The following RAB11FIP4 variants were observed in gnomAD, a reference collection of about 807,000 sequenced individuals.
The protein encoded by RAB11FIP4 is rab11 family-interacting protein 4.
Under a neutral mutation model 74.3 loss-of-function variants are expected in RAB11FIP4, and 23 were observed. The ratio of observed to expected loss-of-function variants is 0.31; its 90% CI spans 0.22 to 0.44. The LOEUF is 0.44. Ranked by LOEUF, RAB11FIP4 falls within the 20% of genes least tolerant of loss-of-function variation. RAB11FIP4 has a pLI of 1.00. For missense variants in RAB11FIP4, 630 were observed against 863.9 expected, an observed-to-expected ratio of 0.73 and a Z score of 3.39; for synonymous variants, 360 against 359.9, an observed-to-expected ratio of 1.00 and a Z score of 0.00.
intron 3 of RAB11FIP4, among the ~76,000 whole-genome samples, chr17:31,466,647 G>A (rs1052347880): frequency 4.6e-5 from 7 of 152,088 alleles, no homozygotes; most frequent in Non-Finnish European, 7.4e-5. Flanking sequence ...CCGTGGCTCC[G>A]CTGGTAGATT....
intron 1 of RAB11FIP4, among the ~76,000 whole-genome samples, chr17:31,428,237 A>T (rs2071272305): frequency 6.6e-6 from 1 of 152,226 alleles, no homozygotes. Flanking sequence ...ACCGGCAGTG[A>T]CCAGGGCTTC....
intron 9 of RAB11FIP4, 170 bp downstream of exon 9, chr17:31,524,166 A>G: frequency 1.7e-6 from 1 of 601,326 alleles, no homozygotes; most frequent in Non-Finnish European, 3.0e-6. Context: ...TGCCCAGGAC[A>G]GGACCTTAGG....
chr17:31,439,220 C>G (rs2071387199), intron 3 of RAB11FIP4, among the ~76,000 whole-genome samples: 1 of 152,238 alleles, frequency 6.6e-6, no homozygotes, highest in African/African-American at 2.4e-5. Flanking sequence ...ATTTCTAGAA[C>G]TAGGTATCTG....
intron 1 of RAB11FIP4, among the ~76,000 whole-genome samples, chr17:31,404,514 T>G (rs374743620): frequency 6.6e-6 from 1 of 152,248 alleles, no homozygotes; most frequent in Non-Finnish European, 1.5e-5. Flanking sequence ...ATCTGTATAG[T>G]GGGGATAATA....
In RAB11FIP4 at chr17:31,536,937, T is replaced by A. The variant is rs1551357; in HGVS notation, c.*5205T>A. The A allele has an allele frequency of 5.0e-6, 2 of 398,582 alleles. No homozygotes were observed. Among genetic ancestry groups the A allele is most frequent in the Admixed American group, 8.8e-5 (2 of 22,702 alleles). 24.7% of individuals were successfully genotyped at this position (398,582 alleles called of 1,614,324 possible). On this transcript the variant is annotated 3_prime_UTR_variant, in exon 15 of 15. Transcript: ENST00000621161. ...ATATGACCTCCCTGCCCCGACCTCGTAGGTTGCTCCTTTCCCCATCTGTAA... is the reference window on the plus strand; with the variant it reads ...ATATGACCTCCCTGCCCCGACCTCGAAGGTTGCTCCTTTCCCCATCTGTAA...
chr17:31,472,972 GC>G (rs2071754835), intron 3 of RAB11FIP4, among the ~76,000 whole-genome samples: 1 of 151,994 alleles, frequency 6.6e-6, no homozygotes, highest in Non-Finnish European at 1.5e-5. Context: ...GGTGGAGGTT[GC>G]AGTGAGCCGA....
Position 31,521,166 on chromosome 17 carries a change from G to A in RAB11FIP4, c.564G>A (p.Lys188=). ...GACTTGGGTGCTCTCGGACCCTCAG[G>A]TCCCTGGTCCACACTCCATCCATGA... ...GLGGLFLPED[K]SLVHTPSMTT... Residue 188 remains lysine, a splice_region_variant and synonymous_variant, in exon 5 of 15, where the codon AAG becomes AAA. Transcript: ENST00000621161. 1 of 1,569,078 alleles carries A rather than the reference G, an allele frequency of 6.4e-7. No individual in the cohort carries two copies. The highest frequency in any genetic ancestry group is 8.7e-7 in the Non-Finnish European group (1 of 1,151,782).
intron 3 of RAB11FIP4, chr17:31,448,269 C>G (rs2071488322): frequency 6.6e-6 from 1 of 151,580 alleles, no homozygotes; most frequent in African/African-American, 2.4e-5. Context: ...GAAACAAAGT[C>G]TTGCTCTGTT....
chr17:31,445,562 ATATATATATATATATATT>A (rs2071449523), intron 3 of RAB11FIP4, among the ~76,000 whole-genome samples: 7 of 17,418 alleles, frequency 4.0e-4, no homozygotes, highest in East Asian at 2.0e-3. Flanking sequence ...ATATATATAT[ATATATATATATATATATT>A]TTTTTTTTTT....
chr17:31,454,879 T>G (rs887005376), intron 3 of RAB11FIP4, among the ~76,000 whole-genome samples: 3 of 151,820 alleles, frequency 2.0e-5, no homozygotes, highest in African/African-American at 7.3e-5. Context: ...ACAAGACTCC[T>G]TCTCAAAAAA....
rs531526420 is a variant in RAB11FIP4, at chr17:31,527,716, C to T, written c.1275-126C>T. ...TTGTCTTTGACATAATAATCATATT[C>T]TTTCTCTCAGTTGGTTTCTGGTATC... On this transcript the variant is annotated intron_variant, in intron 10 of 14. Coordinates refer to ENST00000621161, the MANE Select transcript of RAB11FIP4 (RefSeq NM_032932.6). 5.3e-5 allele frequency: 35 copies of T among 661,960 alleles called. No individual in the cohort carries two copies. The African/African-American group carries it at 5.5e-4, about 10-fold the overall frequency. The allele number at this position is 661,960 out of a possible 1,614,324, so 41.0% of individuals were successfully genotyped here.
At chr17:31,508,203 G>C (rs1379657537) in intron 3 of RAB11FIP4, among the ~76,000 whole-genome samples, 1 of 152,164 alleles carries the variant, frequency 6.6e-6, no homozygotes, top group African/African-American at 2.4e-5. Context: ...AGAGGAGTGA[G>C]AGCGTCTCCC....
chr17:31,485,846 A>C (rs2071895059), intron 3 of RAB11FIP4, among the ~76,000 whole-genome samples: 1 of 152,232 alleles, frequency 6.6e-6, no homozygotes, highest in Non-Finnish European at 1.5e-5. Context: ...GTCCCAAGAC[A>C]TCTGGGAAAT....
intron 13 of RAB11FIP4, among the ~76,000 whole-genome samples, chr17:31,530,073 T>TCCACAG (rs2072839797): frequency 6.6e-6 from 1 of 152,214 alleles, no homozygotes; most frequent in African/African-American, 2.4e-5. Flanking sequence ...TTGGCTGCGC[T>TCCACAG]GAGCAGGGCT....
chr17:31,527,977 G>A, intron 11 of RAB11FIP4, 54 bp downstream of exon 11: 1 of 1,349,538 alleles, frequency 7.4e-7, no homozygotes, highest in Non-Finnish European at 1.0e-6. Context: ...GGAGCCTTTA[G>A]TTTATTGCTT....
At chr17:31,402,168 G>A (rs908675880) in intron 1 of RAB11FIP4, among the ~76,000 whole-genome samples, 6 of 148,696 alleles carry the variant, frequency 4.0e-5, no homozygotes, top group Non-Finnish European at 3.0e-5. Context: ...GCCCACTTCC[G>A]TAGCCTCCCC....
Position 31,534,295 on chromosome 17 carries a change from T to A in RAB11FIP4, c.*2563T>A, listed in dbSNP as rs1297475762. On this transcript the variant is annotated 3_prime_UTR_variant, in exon 15 of 15. Coordinates refer to ENST00000621161, the MANE Select transcript of RAB11FIP4 (RefSeq NM_032932.6). ...ACAGATGTTATTTTTAGAGATAGGA[T>A]CTTGCTCTGTTGCCCAGGCTGGAGT... The A allele has an allele frequency of 6.6e-6, 1 of 152,208 alleles. No homozygotes were observed. Among genetic ancestry groups the A allele is most frequent in the Non-Finnish European group, 1.5e-5 (1 of 68,050 alleles). The allele number at this position is 152,208 out of a possible 1,614,324, so 9.4% of individuals were successfully genotyped here.
rs151322537 is a variant in RAB11FIP4 at position 31,397,960 on chromosome 17, G to A, written c.159+5949G>A. Among the ~76,000 whole-genome samples, 28 of 151,548 alleles carry A rather than the reference G, an allele frequency of 1.8e-4. No homozygotes were observed. In the East Asian group the frequency reaches 2.1e-3, roughly 12 times the overall value. ...GTGCATCATGGCTCACTGCAGCCTC[G>A]AGCTCTTGGGCTCAAACCGTCCTCC... On this transcript the variant is annotated intron_variant, in intron 1 of 14. Coordinates refer to ENST00000621161, the MANE Select transcript of RAB11FIP4 (RefSeq NM_032932.6).
intron 3 of RAB11FIP4, among the ~76,000 whole-genome samples, chr17:31,445,550 A>T (rs1597920706): frequency 8.9e-5 from 1 of 11,246 alleles, no homozygotes; most frequent in Non-Finnish European, 1.8e-4. Flanking sequence ...ATATATATAT[A>T]TATATATATA....
Sources: gnomAD v4.1 joint callset for allele counts (sites outside exome capture counted in the v4.1 genomes callset) on GRCh38, gnomAD v4.1.1 for gene constraint, MANE v1.5 for transcripts, NCBI Gene and HGNC (gene_info 2026-07-23, HGNC 2026-07-21) for gene names.